ANKRD23: variants seen among roughly 807,000 people sequenced by gnomAD.
The protein encoded by ANKRD23 is ankyrin repeat domain 23.
Under a neutral mutation model 38.1 loss-of-function variants are expected in ANKRD23, and 52 were observed. The observed-to-expected ratio is 1.36, with a 90% CI of 1.09 to 1.72. The LOEUF is 1.72. Among genes scored for constraint, ANKRD23 ranks in the 40% most tolerant of loss-of-function variants. The pLI, the probability that ANKRD23 is intolerant of heterozygous loss-of-function variation, is 0.00. For synonymous variants in ANKRD23, 167 were observed against 162.9 expected, an observed-to-expected ratio of 1.03 and a Z score of -0.19; for missense variants, 416 against 400.2, an observed-to-expected ratio of 1.04 and a Z score of -0.34.
At chr2:96,840,953 CG>C in intron 3 of ANKRD23, 41 bp from the exon 4 acceptor site, 1 of 1,602,912 alleles carries the variant, frequency 6.2e-7, no homozygotes, top group Non-Finnish European at 8.5e-7. Context: ...TCCCGAAGGC[CG>C]CAGGTGCCCA....
chr2:96,840,576 G>A (rs1291581644), intron 4 of ANKRD23, 62 bp from the exon 5 acceptor site: 1 of 1,577,288 alleles, frequency 6.3e-7, no homozygotes, highest in South Asian at 1.1e-5. Context: ...ACCCCACGCG[G>A]TCCCCTTCCC....
intron 4 of ANKRD23, 103 bp downstream of exon 4, chr2:96,840,682 AAG>A: frequency 3.9e-6 from 6 of 1,552,772 alleles, no homozygotes; most frequent in Non-Finnish European, 5.3e-6. Flanking sequence ...TCATGCCCAT[AAG>A]AGTGAAAATC....
chr2:96,841,061 A>C, intron 3 of ANKRD23, 149 bp from the exon 4 acceptor site: 9 of 888,796 alleles, frequency 1.0e-5, no homozygotes, highest in Non-Finnish European at 1.5e-5. Flanking sequence ...TTCTAATCCC[A>C]CGCCAGGAGA....
Position 96,839,055 on chromosome 2 carries a change from T to C in ANKRD23, c.*494A>G. 2.0e-6 allele frequency: 2 copies of C among 986,662 alleles called. No homozygotes were observed. Among genetic ancestry groups the C allele is most frequent in the Non-Finnish European group, 2.4e-6 (2 of 830,826 alleles). 61.1% of individuals were successfully genotyped at this position (986,662 alleles called of 1,614,324 possible). ...GCTGCAGACAGGCCCGGCCCCTGCA[T>C]GGCCTGCCTTGGCTGCACCTTGTAC... is the stretch of plus-strand genomic sequence containing the variant. On this transcript the variant is annotated 3_prime_UTR_variant, in exon 9 of 9. Transcript: ENST00000318357.
Position 96,838,741 on chromosome 2 carries a change from C to T in ANKRD23, c.*808G>A. On this transcript the variant is annotated 3_prime_UTR_variant, in exon 9 of 9. Coordinates refer to ENST00000318357, the MANE Select transcript of ANKRD23 (RefSeq NM_144994.8). ...CTTCCCCATGAGAGCCGCCAGCAGGCAACGGTGTGCCAGGCCGGCCTGAGC... is the reference window on the plus strand; with the variant it reads ...CTTCCCCATGAGAGCCGCCAGCAGGTAACGGTGTGCCAGGCCGGCCTGAGC... 1 of 985,646 alleles carries T rather than the reference C, an allele frequency of 1.0e-6. No homozygotes were observed. Among genetic ancestry groups the T allele is most frequent in the Non-Finnish European group, 1.2e-6 (1 of 830,082 alleles). 61.1% of individuals were successfully genotyped at this position (985,646 alleles called of 1,614,324 possible).
intron 1 of ANKRD23, 91 bp downstream of exon 1, chr2:96,843,875 A>G: frequency 7.6e-7 from 1 of 1,322,508 alleles, no homozygotes; most frequent in Non-Finnish European, 1.1e-6. Flanking sequence ...TGACCCTCAC[A>G]CCACAGAAAG....
chr2:96,843,894 A>G, intron 1 of ANKRD23, 72 bp downstream of exon 1: 1 of 1,487,854 alleles, frequency 6.7e-7, no homozygotes, highest in Non-Finnish European at 9.2e-7. Flanking sequence ...AGAAGCTGCC[A>G]GCCCTCTCTA....
At position 96,839,347 on chromosome 2, in the gene ANKRD23, A is replaced by C; in HGVS notation, c.*202T>G. 8.0e-7 allele frequency: 1 copy of C among 1,252,116 alleles called. No individual in the cohort carries two copies. Among genetic ancestry groups the C allele is most frequent in the Non-Finnish European group, 1.0e-6 (1 of 1,000,756 alleles). 77.6% of individuals were successfully genotyped at this position (1,252,116 alleles called of 1,614,324 possible). On this transcript the variant is annotated 3_prime_UTR_variant, in exon 9 of 9. Coordinates refer to ENST00000318357, the MANE Select transcript of ANKRD23 (RefSeq NM_144994.8). Reference sequence around the variant, plus strand: ...CCTGGGAGGGAACGCGGCTCCCCTGACACTCGAAGCCAGGGAGGCCTCTCT... The same window carrying C: ...CCTGGGAGGGAACGCGGCTCCCCTGCCACTCGAAGCCAGGGAGGCCTCTCT...
rs1034017438 is a variant in ANKRD23 at position 96,839,268 on chromosome 2, C to T, written c.*281G>A. ...CTTGGCCCTCACTCTCCTCCCCTTC[C>T]TGGCCCTCATCTGGACCCGCGCTTT... On this transcript the variant is annotated 3_prime_UTR_variant, in exon 9 of 9. Coordinates refer to ENST00000318357, the MANE Select transcript of ANKRD23 (RefSeq NM_144994.8). 78 of 1,192,112 alleles carry T rather than the reference C, an allele frequency of 6.5e-5. No homozygotes were observed. In the African/African-American group the frequency reaches 1.2e-3, roughly 18 times the overall value. 73.8% of individuals were successfully genotyped at this position (1,192,112 alleles called of 1,614,324 possible).
chr2:96,841,184 CAG>C (rs1334043700), intron 3 of ANKRD23: 17 of 391,284 alleles, frequency 4.3e-5, no homozygotes, highest in Non-Finnish European at 7.0e-5. Flanking sequence ...TATTTGGAAA[CAG>C]AGTCACTGAG....
chr2:96,840,249 C>G lies in ANKRD23; in HGVS notation c.607G>C (p.Val203Leu), dbSNP rs924229163. ...LKQLLNQGAR[V>L]NARDKIGSTP... ...CCCCTCACCTTGTCCCGGGCATTGA[C>G]CCGGGCTCCCTGGTTAAGCAGCTGT... is the stretch of plus-strand genomic sequence containing the variant. The change falls in exon 6 of 9, where the codon GTC becomes CTC. Residue 203 changes from valine (V) to leucine (L), a missense_variant. Coordinates refer to ENST00000318357, the MANE Select transcript of ANKRD23 (RefSeq NM_144994.8). 1 of 1,611,014 alleles carries G rather than the reference C, an allele frequency of 6.2e-7. No individual in the cohort carries two copies. Among genetic ancestry groups the G allele is most frequent in the South Asian group, 1.1e-5 (1 of 90,398 alleles).
At chr2:96,842,318 C>T (rs1257964750) in intron 2 of ANKRD23, 47 bp downstream of exon 2, 3 of 1,605,126 alleles carry the variant, frequency 1.9e-6, no homozygotes, top group Non-Finnish European at 2.5e-6. Flanking sequence ...CAGCCGGCCT[C>T]AGGGATTAGC....
chr2:96,840,642 C>T, intron 4 of ANKRD23, 128 bp from the exon 5 acceptor site: 2 of 1,511,618 alleles, frequency 1.3e-6, no homozygotes, highest in Non-Finnish European at 1.8e-6. Flanking sequence ...TGGGCCGCTC[C>T]CTCTCCTCCG....
At chr2:96,841,096 C>T (rs72811624) in intron 3 of ANKRD23, 184 bp from the exon 4 acceptor site, 400 of 678,014 alleles carry the variant, frequency 5.9e-4, no homozygotes, top group Non-Finnish European at 8.2e-4. Context: ...TGTGTGTGAG[C>T]GTGTGTGTTA....
Position 96,839,630 on chromosome 2 carries a change from C to G in ANKRD23, c.837G>C (p.Pro279=). The G allele has an allele frequency of 6.6e-7, 1 of 1,510,644 alleles. No homozygotes were observed. Among genetic ancestry groups the G allele is most frequent in the Non-Finnish European group, 8.9e-7 (1 of 1,128,104 alleles). The allele number at this position is 1,510,644 out of a possible 1,614,324, so 93.6% of individuals were successfully genotyped here. The part of the protein sequence containing the change: ...LGVRNAASVT[P]VQLARDWQRG... Reference sequence around the variant, plus strand: ...GCTGCCAGTCTCGAGCCAGCTGCACCGGGGTCACGGAGGCCTGGGAGCAAC... The same window carrying G: ...GCTGCCAGTCTCGAGCCAGCTGCACGGGGGTCACGGAGGCCTGGGAGCAAC... Residue 279 remains proline, a synonymous_variant, in exon 9 of 9, where the codon CCG becomes CCC. Coordinates refer to ENST00000318357, the MANE Select transcript of ANKRD23 (RefSeq NM_144994.8).
chr2:96,839,038 C>G lies in ANKRD23; in HGVS notation c.*511G>C. On this transcript the variant is annotated 3_prime_UTR_variant, in exon 9 of 9. Transcript: ENST00000318357. ...CCCACAGGCATCCACCAGCTGCAGA[C>G]AGGCCCGGCCCCTGCATGGCCTGCC... 1.0e-6 allele frequency: 1 copy of G among 986,158 alleles called. No individual in the cohort carries two copies. The highest frequency in any genetic ancestry group is 1.2e-6 in the Non-Finnish European group (1 of 830,428). The allele number at this position is 986,158 out of a possible 1,614,324, so 61.1% of individuals were successfully genotyped here.
In ANKRD23 at chr2:96,839,448, A is replaced by C; in HGVS notation, c.*101T>G. ...GGCGGCACAGGCCAGAGAGGGAGGA[A>C]CCAGGGCTGAGGGCAGGAACCACAG... is the stretch of plus-strand genomic sequence containing the variant. On this transcript the variant is annotated 3_prime_UTR_variant, in exon 9 of 9. Transcript: ENST00000318357. 1 of 1,358,334 alleles carries C rather than the reference A, an allele frequency of 7.4e-7. No individual in the cohort carries two copies. The highest frequency in any genetic ancestry group is 9.4e-7 in the Non-Finnish European group (1 of 1,061,088). The allele number at this position is 1,358,334 out of a possible 1,614,324, so 84.1% of individuals were successfully genotyped here. A position where few individuals can be genotyped will look rare whatever the true frequency, so the allele number is the denominator to read the frequency against.
chr2:96,839,320 G>T lies in ANKRD23; in HGVS notation c.*229C>A. The stretch of plus-strand genomic sequence containing the variant: ...TGCTGCCTTGTGGTCCTCTGCTCCA[G>T]CCCTGGGAGGGAACGCGGCTCCCCT... On this transcript the variant is annotated 3_prime_UTR_variant, in exon 9 of 9. Coordinates refer to ENST00000318357, the MANE Select transcript of ANKRD23 (RefSeq NM_144994.8). The T allele has an allele frequency of 8.8e-6, 11 of 1,248,232 alleles. No homozygotes were observed. The South Asian group carries it at 3.3e-4, about 38-fold the overall frequency. 77.3% of individuals were successfully genotyped at this position (1,248,232 alleles called of 1,614,324 possible).
Position 96,838,968 on chromosome 2 carries a change from C to CCAGGGTTGCTACTGA in ANKRD23, c.*566_*580dup, listed in dbSNP as rs2079724960. ...TTGTCTAGAGCCGCTCCGGACACTG[C>CCAGGGTTGCTACTGA]CAGGGTTGCTACTGACAGGAATGGG... On this transcript the variant is annotated 3_prime_UTR_variant, in exon 9 of 9. Transcript: ENST00000318357. 13 of 985,618 alleles carry CCAGGGTTGCTACTGA rather than the reference C, an allele frequency of 1.3e-5. No individual in the cohort carries two copies. The African/African-American group carries it at 1.4e-4, about 11-fold the overall frequency. The allele number at this position is 985,618 out of a possible 1,614,324, so 61.1% of individuals were successfully genotyped here.
Sources: gnomAD v4.1 joint callset for allele counts on GRCh38, gnomAD v4.1.1 for gene constraint, MANE v1.5 for transcripts, NCBI Gene and HGNC (gene_info 2026-07-23, HGNC 2026-07-21) for gene names.